The following SESTD1 variants were observed in gnomAD, a reference collection of about 807,000 sequenced individuals.
SESTD1 encodes the protein SEC14 and spectrin domain containing 1.
SESTD1 carries 43 observed loss-of-function variants against 101.7 expected under a neutral mutation model. The observed-to-expected ratio is 0.42, with a 90% CI of 0.33 to 0.55. SESTD1 has a LOEUF of 0.55. Ranked by LOEUF, SESTD1 falls within the 20% of genes least tolerant of loss-of-function variation. The pLI is 0.07. For missense variants in SESTD1, 647 were observed against 815.1 expected, an observed-to-expected ratio of 0.79 and a Z score of 2.51; for synonymous variants, 283 against 286.8, an observed-to-expected ratio of 0.99 and a Z score of 0.13.
intron 8 of SESTD1, among the ~76,000 whole-genome samples, chr2:179,144,736 T>C (rs1337776394): frequency 6.6e-6 from 1 of 152,092 alleles, no homozygotes; most frequent in Non-Finnish European, 1.5e-5. Context: ...AAAGTACCCA[T>C]GATTGTTCTA....
chr2:179,224,636 C>A (rs1321710859), intron 1 of SESTD1, among the ~76,000 whole-genome samples: 1 of 152,126 alleles, frequency 6.6e-6, no homozygotes, highest in Non-Finnish European at 1.5e-5. Flanking sequence ...CTCCCCCTAC[C>A]CCCACTAACT....
intron 5 of SESTD1, among the ~76,000 whole-genome samples, chr2:179,154,210 G>A (rs982605763): frequency 1.3e-5 from 2 of 148,320 alleles, no homozygotes; most frequent in Non-Finnish European, 3.0e-5. Context: ...CAGCCTGGGG[G>A]TCAGAGAACC....
rs147660848 is a variant in SESTD1 at position 179,201,918 on chromosome 2, TATAATAATAATA to T, written c.-25-10064_-25-10053del. Among the ~76,000 whole-genome samples, 55 of 103,280 alleles carry T rather than the reference TATAATAATAATA, an allele frequency of 5.3e-4. 6 individuals are homozygous for T. The highest frequency in any genetic ancestry group is 3.0e-3 in the East Asian group (13 of 4,350). The allele number at this position is 103,280 out of a possible 152,430, so 67.8% of individuals were successfully genotyped here. ...TGCACATGTACCCTAAAACTTAAAG[TATAATAATAATA>T]ATAATAATAATAATAATAATAATAA... On this transcript the variant is annotated intron_variant, in intron 1 of 17. Transcript: ENST00000428443.
chr2:179,159,148 C>T (rs1465877133), intron 5 of SESTD1, among the ~76,000 whole-genome samples: 1 of 152,070 alleles, frequency 6.6e-6, no homozygotes, highest in East Asian at 1.9e-4. Flanking sequence ...CGCTTTTCGC[C>T]TAACAATCAC....
At chr2:179,160,284 C>G (rs2045710140) in intron 5 of SESTD1, among the ~76,000 whole-genome samples, 2 of 152,110 alleles carry the variant, frequency 1.3e-5, no homozygotes, top group Non-Finnish European at 2.9e-5. Flanking sequence ...TCATTTTCAT[C>G]CTATGATTCT....
At chr2:179,117,349 T>C (rs187557219) in intron 14 of SESTD1, among the ~76,000 whole-genome samples, 183 bp downstream of exon 14, 6 of 152,298 alleles carry the variant, frequency 3.9e-5, no homozygotes, top group South Asian at 2.1e-4. Context: ...AAAATTAAGT[T>C]AAATGAGATC....
intron 5 of SESTD1, among the ~76,000 whole-genome samples, chr2:179,155,062 G>A (rs571219858): frequency 1.6e-4 from 25 of 152,110 alleles, no homozygotes; most frequent in Non-Finnish European, 3.4e-4. Flanking sequence ...ACAGGGGCGT[G>A]CCACCATGCT....
chr2:179,249,890 C>CAAA (rs60865157), intron 1 of SESTD1, among the ~76,000 whole-genome samples: 7,501 of 111,178 alleles, frequency 0.067, 269 homozygotes, highest in South Asian at 0.15. Flanking sequence ...TATCCACAGG[C>CAAA]AAAAAAAAAA....
chr2:179,215,142 G>A lies in SESTD1; in HGVS notation c.-25-23276C>T, dbSNP rs1157620994. Among the ~76,000 whole-genome samples, 5 of 134,632 alleles carry A rather than the reference G, an allele frequency of 3.7e-5. 1 individual carries two copies. Among genetic ancestry groups the A allele is most frequent in the Non-Finnish European group, 8.0e-5 (5 of 62,790 alleles). The allele number at this position is 134,632 out of a possible 152,430, so 88.3% of individuals were successfully genotyped here. A position where few individuals can be genotyped will look rare whatever the true frequency, so the allele number is the denominator to read the frequency against. On this transcript the variant is annotated intron_variant, in intron 1 of 17. Coordinates refer to ENST00000428443, the MANE Select transcript of SESTD1 (RefSeq NM_178123.5). ...AAGGCAAGAAATAAGTAAGATCAGA[G>A]CAGAACTGAAGGAGATAGAGACACA...
In SESTD1 at chr2:179,123,798, A is replaced by G. The variant is rs757759730; in HGVS notation, c.1199T>C (p.Met400Thr). The G allele has an allele frequency of 6.2e-7, 1 of 1,614,062 alleles. No homozygotes were observed. The highest frequency in any genetic ancestry group is 2.2e-5 in the East Asian group (1 of 44,858). ...LSQQLDGLLGMLCVDVAPADG... is the reference protein window; with the variant it reads ...LSQQLDGLLGTLCVDVAPADG... The stretch of plus-strand genomic sequence containing the variant: ...AGCTGGTGCTACATCTACGCACAAC[A>G]TCCCTAATAAGCCATCCAACTGCTG... Residue 400 changes from methionine (M) to threonine (T), a missense_variant, in exon 12 of 18, where the codon ATG (methionine) becomes ACG (threonine). Around this residue, in one of 3 missense-constraint regions of SESTD1, gnomAD observed 476 missense variants for 562.6 expected, o/e 0.85. Coordinates refer to ENST00000428443, the MANE Select transcript of SESTD1 (RefSeq NM_178123.5).
chr2:179,259,324 C>T (rs866934188), intron 1 of SESTD1, among the ~76,000 whole-genome samples: 1 of 152,098 alleles, frequency 6.6e-6, no homozygotes, highest in African/African-American at 2.4e-5. Flanking sequence ...CTCCACCTCC[C>T]GGGTTCAAGC....
intron 1 of SESTD1, among the ~76,000 whole-genome samples, chr2:179,253,552 T>C (rs1156358061): frequency 6.6e-6 from 1 of 152,054 alleles, no homozygotes; most frequent in East Asian, 1.9e-4. Context: ...ATAGAAAAGA[T>C]GAAAGCTTTT....
At chr2:179,125,607 C>CCAT (rs1238880000) in intron 10 of SESTD1, among the ~76,000 whole-genome samples, 7 of 152,108 alleles carry the variant, frequency 4.6e-5, no homozygotes, top group Non-Finnish European at 7.3e-5. Flanking sequence ...GTGTGAGCAC[C>CCAT]CATCATCATG....
At chr2:179,209,314 T>C (rs915576881) in intron 1 of SESTD1, among the ~76,000 whole-genome samples, 1 of 134,230 alleles carries the variant, frequency 7.4e-6, no homozygotes, top group Non-Finnish European at 1.6e-5. Flanking sequence ...AGACAGGTCA[T>C]CAAAATGGAA....
At chr2:179,135,747 T>C (rs1358579011) in intron 9 of SESTD1, among the ~76,000 whole-genome samples, 2 of 152,188 alleles carry the variant, frequency 1.3e-5, no homozygotes, top group African/African-American at 4.8e-5. Context: ...AGTGAGACCC[T>C]GTCTCAAGAA....
intron 1 of SESTD1, among the ~76,000 whole-genome samples, chr2:179,236,663 C>T (rs1307146221): frequency 6.6e-6 from 1 of 150,612 alleles, no homozygotes; most frequent in Non-Finnish European, 1.5e-5. Context: ...GGGAGATGAC[C>T]CGTGCTCTTA....
intron 1 of SESTD1, among the ~76,000 whole-genome samples, chr2:179,257,162 TGTC>T (rs1327898155): frequency 6.6e-6 from 1 of 151,664 alleles, no homozygotes; most frequent in East Asian, 1.9e-4. Flanking sequence ...TCTCATTCTA[TGTC>T]ATAGAATGAG....
rs1333375368 is a variant in SESTD1 at position 179,106,667 on chromosome 2, T to C, written c.*3232A>G. ...GAGCAATAGCCAATGTAAATTTGTA[T>C]AAAGTGAGAAGTATTCAATCTTCTA... On this transcript the variant is annotated 3_prime_UTR_variant, in exon 18 of 18. Coordinates refer to ENST00000428443, the MANE Select transcript of SESTD1 (RefSeq NM_178123.5). The C allele has an allele frequency of 2.0e-5, 3 of 152,164 alleles. No homozygotes were observed. Among genetic ancestry groups the C allele is most frequent in the Non-Finnish European group, 4.4e-5 (3 of 68,038 alleles). The allele number at this position is 152,164 out of a possible 1,614,324, so 9.4% of individuals were successfully genotyped here.
intron 1 of SESTD1, among the ~76,000 whole-genome samples, chr2:179,224,917 G>C (rs1307712840): frequency 6.6e-6 from 1 of 152,116 alleles, no homozygotes; most frequent in African/African-American, 2.4e-5. Context: ...TAATAAATGG[G>C]TAAATGTACA....
Sources: gnomAD v4.1 joint callset for allele counts (sites outside exome capture counted in the v4.1 genomes callset) on GRCh38, gnomAD v4.1.1 for gene constraint, gnomAD v4.1.1 regional missense constraint, MANE v1.5 for transcripts, NCBI Gene and HGNC (gene_info 2026-07-23, HGNC 2026-07-21) for gene names.